The following DCDC1 variants were observed in gnomAD, a reference collection of about 807,000 sequenced individuals.
DCDC1 encodes doublecortin domain-containing protein 1.
DCDC1 carries 200 observed loss-of-function variants against 178.3 expected under a neutral mutation model. That is an observed-to-expected ratio of 1.12 (90% CI 1.00 to 1.26). DCDC1 has a LOEUF of 1.26. DCDC1 is among the 50% of genes most tolerant of loss of function. The pLI, the probability that DCDC1 is intolerant of heterozygous loss-of-function variation, is 0.00. For synonymous variants in DCDC1, 690 were observed against 604.8 expected (o/e 1.14, Z -2.07); for missense variants, 1,983 against 1,749.2 (o/e 1.13, Z -2.38).
At chr11:30,999,390 T>C (rs190851807) in intron 20 of DCDC1, among the ~76,000 whole-genome samples, 1 of 152,284 alleles carries the variant, frequency 6.6e-6, no homozygotes, top group Admixed American at 6.5e-5. Context: ...TATACTACCT[T>C]TACAATTCTT....
At chr11:31,125,733 C>T (rs1013885579) in intron 11 of DCDC1, among the ~76,000 whole-genome samples, 1 of 152,060 alleles carries the variant, frequency 6.6e-6, no homozygotes, top group South Asian at 2.1e-4. Context: ...AATGAGAACA[C>T]GTGGACATAG....
intron 1 of DCDC1, among the ~76,000 whole-genome samples, chr11:31,343,047 CTT>C (rs1375057596): frequency 1.3e-5 from 2 of 152,102 alleles, no homozygotes; most frequent in Non-Finnish European, 2.9e-5. Flanking sequence ...GGGAGGATCT[CTT>C]GAGCCCAGTA....
chr11:31,315,646 C>CTTTTTTTTTTTTT (rs59083470), intron 3 of DCDC1, among the ~76,000 whole-genome samples: 2 of 112,428 alleles, frequency 1.8e-5, no homozygotes, highest in African/African-American at 3.7e-5. Flanking sequence ...ATCTGCATAC[C>CTTTTTTTTTTTTT]TTTTTTTTTT....
chr11:30,948,927 T>C (rs938992750), intron 21 of DCDC1, among the ~76,000 whole-genome samples: 5 of 152,128 alleles, frequency 3.3e-5, no homozygotes, highest in African/African-American at 4.8e-5. Flanking sequence ...GGCAATACCA[T>C]TCAGGACATA....
chr11:30,930,280 C>A (rs1428920717), intron 22 of DCDC1, among the ~76,000 whole-genome samples: 1 of 152,094 alleles, frequency 6.6e-6, no homozygotes, highest in African/African-American at 2.4e-5. Flanking sequence ...TGAAGCTGGA[C>A]AACCAGCCAC....
chr11:30,890,502 T>C (rs1478819467), intron 36 of DCDC1, among the ~76,000 whole-genome samples: 2 of 152,228 alleles, frequency 1.3e-5, no homozygotes, highest in Non-Finnish European at 2.9e-5. Flanking sequence ...TGTGCTCCAC[T>C]TTTCTCAGCT....
chr11:31,001,084 T>C (rs953813872), intron 20 of DCDC1, among the ~76,000 whole-genome samples: 2 of 152,198 alleles, frequency 1.3e-5, no homozygotes. Context: ...TCATTCAACA[T>C]CTATTAGTTG....
chr11:31,158,478 T>A (rs188059603), intron 9 of DCDC1, among the ~76,000 whole-genome samples: 100 of 152,298 alleles, frequency 6.6e-4, no homozygotes, highest in Admixed American at 1.4e-3. Context: ...ATGAACTTAA[T>A]CCTCTTAACT....
chr11:31,355,569 T>C (rs1348186702), intron 1 of DCDC1, among the ~76,000 whole-genome samples: 1 of 152,150 alleles, frequency 6.6e-6, no homozygotes, highest in Non-Finnish European at 1.5e-5. Flanking sequence ...ACATTCTTTT[T>C]CTTTTTTCTT....
At chr11:31,136,062 T>C (rs952071724) in intron 10 of DCDC1, among the ~76,000 whole-genome samples, 1 of 152,076 alleles carries the variant, frequency 6.6e-6, no homozygotes, top group African/African-American at 2.4e-5. Flanking sequence ...TCTCTAATGA[T>C]AATTGGTATT....
intron 20 of DCDC1, among the ~76,000 whole-genome samples, chr11:31,008,318 A>G (rs1411188845): frequency 2.6e-5 from 4 of 152,162 alleles, no homozygotes; most frequent in Non-Finnish European, 5.9e-5. Flanking sequence ...TGTTCTTAGC[A>G]GCTTACAGTT....
intron 20 of DCDC1, among the ~76,000 whole-genome samples, chr11:30,965,254 G>A (rs911695001): frequency 6.6e-6 from 1 of 152,172 alleles, no homozygotes; most frequent in East Asian, 1.9e-4. Flanking sequence ...AACTTGTTCT[G>A]TATCTGACAT....
At position 30,941,229 on chromosome 11, in the gene DCDC1, C is replaced by T. The variant is rs1947620742; in HGVS notation, c.2716-9277G>A. On this transcript the variant is annotated intron_variant, in intron 21 of 38. Transcript: ENST00000684477. ...TTCCAATTGCTTATTCCTGTTTCTA[C>T]CTCAGCCCATTTTACTCTATTGTCA... Among the ~76,000 whole-genome samples, 4 of 152,240 alleles carry T rather than the reference C, an allele frequency of 2.6e-5. No individual in the cohort carries two copies. The South Asian group carries it at 8.3e-4, about 32-fold the overall frequency.
intron 6 of DCDC1, among the ~76,000 whole-genome samples, chr11:31,304,050 G>T (rs1377043053): frequency 6.6e-6 from 1 of 152,158 alleles, no homozygotes; most frequent in Admixed American, 6.6e-5. Flanking sequence ...AGACAAAGCA[G>T]AGAAGTTTTT....
intron 1 of DCDC1, among the ~76,000 whole-genome samples, chr11:31,349,596 T>C (rs1053152062): frequency 1.8e-4 from 27 of 152,342 alleles, no homozygotes; most frequent in African/African-American, 6.5e-4. Context: ...TTACAAAATA[T>C]ATTTAAAAAT....
intron 21 of DCDC1, among the ~76,000 whole-genome samples, chr11:30,937,291 A>T (rs1360062846): frequency 6.6e-6 from 1 of 152,050 alleles, no homozygotes; most frequent in Non-Finnish European, 1.5e-5. Context: ...GGGAGGAGCG[A>T]GCCACCCCAG....
intron 18 of DCDC1, among the ~76,000 whole-genome samples, chr11:31,066,742 T>A (rs1199049416): frequency 6.6e-6 from 1 of 151,762 alleles, no homozygotes; most frequent in Non-Finnish European, 1.5e-5. Context: ...GCACAGAGGG[T>A]TTTTAGGGCT....
intron 9 of DCDC1, among the ~76,000 whole-genome samples, chr11:31,240,632 A>T (rs1412679046): frequency 6.6e-6 from 1 of 152,052 alleles, no homozygotes; most frequent in African/African-American, 2.4e-5. Flanking sequence ...TCGGATAATG[A>T]GCCCAGTTCT....
chr11:31,070,232 C>T (rs1956474234), intron 18 of DCDC1, among the ~76,000 whole-genome samples: 1 of 152,268 alleles, frequency 6.6e-6, no homozygotes, highest in Non-Finnish European at 1.5e-5. Flanking sequence ...GTCATCAGAC[C>T]ACCAATACAG....
Sources: gnomAD v4.1 joint callset for allele counts (sites outside exome capture counted in the v4.1 genomes callset) on GRCh38, gnomAD v4.1.1 for gene constraint, MANE v1.5 for transcripts, NCBI Gene and HGNC (gene_info 2026-07-23, HGNC 2026-07-21) for gene names.